The following RSPRY1 variants were observed in gnomAD, a reference collection of about 807,000 sequenced individuals.
RSPRY1 encodes ring finger and SPRY domain containing 1, also known as RING finger and SPRY domain-containing protein 1.
RSPRY1 carries 23 observed loss-of-function variants against 73.1 expected under a neutral mutation model. The observed-to-expected ratio is 0.31, with a 90% CI of 0.23 to 0.45. RSPRY1 has a LOEUF of 0.45. RSPRY1 is among the 20% of genes least tolerant of loss of function. The pLI is 1.00. For synonymous variants in RSPRY1, 226 were observed against 251.4 expected (o/e 0.90, Z 0.95); for missense variants, 448 against 698.7 (o/e 0.64, Z 4.05).
intron 4 of RSPRY1, among the ~76,000 whole-genome samples, chr16:57,210,302 ACTC>A (rs1375369006): frequency 6.7e-6 from 1 of 149,922 alleles, no homozygotes; most frequent in Non-Finnish European, 1.5e-5. Context: ...CTGATTTTGA[ACTC>A]CTGGGCTCAA....
intron 14 of RSPRY1, among the ~76,000 whole-genome samples, chr16:57,238,662 G>T (rs2075336470): frequency 6.6e-6 from 1 of 152,192 alleles, no homozygotes; most frequent in African/African-American, 2.4e-5. Flanking sequence ...CTGAAAGAAT[G>T]CATATGAACT....
chr16:57,238,369 ACC>A (rs1173539310), intron 14 of RSPRY1, among the ~76,000 whole-genome samples: 1 of 152,224 alleles, frequency 6.6e-6, no homozygotes, highest in Admixed American at 6.5e-5. Context: ...GGAGATGACA[ACC>A]ATACCACATC....
intron 4 of RSPRY1, among the ~76,000 whole-genome samples, chr16:57,210,041 C>CCCTT (rs1555500826): frequency 2.4e-5 from 3 of 124,304 alleles, no homozygotes; most frequent in Non-Finnish European, 3.4e-5. Flanking sequence ...CTCCCTCCCT[C>CCCTT]CCTCCCTTCC....
intron 3 of RSPRY1, among the ~76,000 whole-genome samples, 192 bp downstream of exon 3, chr16:57,208,302 CTT>C (rs34138044): frequency 5.1e-5 from 4 of 79,202 alleles, no homozygotes; most frequent in Non-Finnish European, 7.1e-5. Flanking sequence ...CATATTATAC[CTT>C]TTTTTTTTTT....
At chr16:57,197,219 T>TAA (rs559639698) in intron 1 of RSPRY1, among the ~76,000 whole-genome samples, 3 of 149,070 alleles carry the variant, frequency 2.0e-5, no homozygotes, top group African/African-American at 7.4e-5. Context: ...CACTTCTCTG[T>TAA]AAAAAAAAAA....
At chr16:57,192,335 G>T (rs1444988639) in intron 1 of RSPRY1, among the ~76,000 whole-genome samples, 2 of 151,986 alleles carry the variant, frequency 1.3e-5, no homozygotes, top group Non-Finnish European at 2.9e-5. Flanking sequence ...GGCCTCCTGG[G>T]GGGAAAACCA....
intron 11 of RSPRY1, among the ~76,000 whole-genome samples, chr16:57,229,055 C>T (rs1597923352): frequency 6.6e-6 from 1 of 152,278 alleles, no homozygotes. Context: ...CTATGATATA[C>T]TAATTAATGC....
rs2074759803 is a variant in RSPRY1 at position 57,208,039 on chromosome 16, C to T, written c.351-19C>T. On this transcript the variant is annotated intron_variant, in intron 2 of 14. Coordinates refer to ENST00000394420, the MANE Select transcript of RSPRY1 (RefSeq NM_133368.3). Reference sequence around the variant, plus strand: ...TTTATTATTTCCTCAGGTTTAATGCCTTGAATTTTTTTTTCCAGTGATCAG... The same window carrying T: ...TTTATTATTTCCTCAGGTTTAATGCTTTGAATTTTTTTTTCCAGTGATCAG... 2 of 1,533,214 alleles carry T rather than the reference C, an allele frequency of 1.3e-6. No individual in the cohort carries two copies. Among genetic ancestry groups the T allele is most frequent in the Non-Finnish European group, 1.8e-6 (2 of 1,121,038 alleles). 95.0% of individuals were successfully genotyped at this position (1,533,214 alleles called of 1,614,324 possible). A position where few individuals can be genotyped will look rare whatever the true frequency, so the allele number is the denominator to read the frequency against.
At chr16:57,212,671 G>A (rs1330662675) in intron 4 of RSPRY1, among the ~76,000 whole-genome samples, 2 of 152,082 alleles carry the variant, frequency 1.3e-5, no homozygotes, top group Non-Finnish European at 2.9e-5. Context: ...CTGGAGTGCA[G>A]TGGCACGATC....
intron 1 of RSPRY1, among the ~76,000 whole-genome samples, chr16:57,201,306 T>G (rs2074597239): frequency 7.0e-6 from 1 of 142,500 alleles, no homozygotes; most frequent in South Asian, 2.1e-4. Flanking sequence ...GCAGAGGGTC[T>G]CCTCACTTCT....
chr16:57,197,624 A>G (rs934812012), intron 1 of RSPRY1, among the ~76,000 whole-genome samples: 3 of 152,214 alleles, frequency 2.0e-5, no homozygotes, highest in African/African-American at 7.2e-5. Context: ...CTCTTTTGGA[A>G]GAAACTGACT....
At chr16:57,236,738 A>T (rs2075304754) in intron 14 of RSPRY1, among the ~76,000 whole-genome samples, 1 of 152,238 alleles carries the variant, frequency 6.6e-6, no homozygotes, top group African/African-American at 2.4e-5. Context: ...CCAAAAGCTG[A>T]TAAAACTCAT....
chr16:57,235,740 G>A (rs1312815842), intron 14 of RSPRY1, among the ~76,000 whole-genome samples: 3 of 152,348 alleles, frequency 2.0e-5, no homozygotes, highest in Non-Finnish European at 2.9e-5. Context: ...GCCAGTCAAT[G>A]TGTGCCGATT....
At chr16:57,193,424 T>A (rs549983132) in intron 1 of RSPRY1, among the ~76,000 whole-genome samples, 1 of 152,186 alleles carries the variant, frequency 6.6e-6, no homozygotes, top group South Asian at 2.1e-4. Context: ...TATTGTTGAC[T>A]TGAGATTTTC....
Position 57,235,124 on chromosome 16 carries a change from G to A in RSPRY1, c.1530G>A (p.Arg510=). ...ATTTCAAATTGCTTTTTCTACTCAG[G>A]CACAGGCGTCTTGCTCTGTTGAAGC... ...LTAEEKIILP[R]HRRLALLKQV... Residue 510 remains arginine, a splice_region_variant and synonymous_variant, in exon 14 of 15, where the codon AGG becomes AGA. Transcript: ENST00000394420. The A allele has an allele frequency of 1.9e-6, 3 of 1,612,676 alleles. No homozygotes were observed. The highest frequency in any genetic ancestry group is 2.5e-6 in the Non-Finnish European group (3 of 1,178,814).
Position 57,204,768 on chromosome 16 carries a change from C to T in RSPRY1, c.110C>T (p.Ala37Val), listed in dbSNP as rs748581287. Residue 37 changes from alanine to valine, a missense_variant, in exon 2 of 15, where the codon GCT becomes GTT. Transcript: ENST00000394420. Reference protein sequence around the residue: ...IAHFLGTGGAATTMGNSCICR... With the variant: ...IAHFLGTGGAVTTMGNSCICR... ...CACTTCCTAGGGACTGGAGGTGCCG[C>T]TACTACCATGGGTAATTCCTGTATC... 2.5e-6 allele frequency: 4 copies of T among 1,614,064 alleles called. No individual in the cohort carries two copies. Among genetic ancestry groups the T allele is most frequent in the Non-Finnish European group, 3.4e-6 (4 of 1,180,036 alleles).
chr16:57,201,047 C>G (rs967672368), intron 1 of RSPRY1, among the ~76,000 whole-genome samples: 2,190 of 55,156 alleles, frequency 0.04, no homozygotes, highest in Non-Finnish European at 0.05. Context: ...GGCGGCTGGC[C>G]GGGCGGGGGG....
chr16:57,221,406 C>G lies in RSPRY1; in HGVS notation c.1152C>G (p.Phe384Leu). The G allele has an allele frequency of 6.2e-7, 1 of 1,613,678 alleles. No individual in the cohort carries two copies. The highest frequency in any genetic ancestry group is 8.5e-7 in the Non-Finnish European group (1 of 1,179,822). The change falls in exon 10 of 15, where the codon TTC becomes TTG. Residue 384 changes from phenylalanine (F) to leucine (L), a missense_variant. Transcript: ENST00000394420. ...GCTGGGCCACTCGAGACAGCAAATT[C>G]CTCAATCATGTGAGTACCCTAGAGA... ...QIGWATRDSK[F>L]LNHEGYGIGD...
At chr16:57,194,631 A>AT (rs1460776107) in intron 1 of RSPRY1, among the ~76,000 whole-genome samples, 4 of 152,228 alleles carry the variant, frequency 2.6e-5, no homozygotes, top group African/African-American at 9.6e-5. Context: ...GGTGAAGATT[A>AT]TAACAATAGT....
Sources: allele counts gnomAD v4.1 joint callset (sites outside exome capture counted in the v4.1 genomes callset), GRCh38; gene constraint gnomAD v4.1.1; transcripts MANE v1.5; gene names NCBI Gene and HGNC (gene_info 2026-07-23, HGNC 2026-07-21).